KHDRBS2: variants seen among roughly 807,000 people sequenced by gnomAD.
The protein encoded by KHDRBS2 is KH domain-containing, RNA-binding, signal transduction-associated protein 2.
Under a neutral mutation model 44.3 loss-of-function variants are expected in KHDRBS2, and 26 were observed. That is an observed-to-expected ratio of 0.59 (90% CI 0.43 to 0.81). The LOEUF (loss-of-function observed/expected upper bound fraction) is 0.81, where lower values mean the gene tolerates loss of function less well. Among genes scored for constraint, KHDRBS2 ranks in the 40% least tolerant of loss-of-function variants. The probability of loss-of-function intolerance (pLI) is 0.00; values close to 1 mark genes in which losing one functional copy is unlikely to be tolerated. For synonymous variants in KHDRBS2, 194 were observed against 151.1 expected, an observed-to-expected ratio of 1.28 and a Z score of -2.08; for missense variants, 476 against 433.1, an observed-to-expected ratio of 1.10 and a Z score of -0.88.
intron 2 of KHDRBS2, among the ~76,000 whole-genome samples, chr6:62,114,355 C>T (rs551340882): frequency 6.6e-6 from 1 of 152,048 alleles, no homozygotes; most frequent in African/African-American, 2.4e-5. Flanking sequence ...GAGTTGTGAC[C>T]TGAGTAAAAG....
At chr6:61,873,613 T>C (rs1383540609) in intron 6 of KHDRBS2, among the ~76,000 whole-genome samples, 1 of 131,442 alleles carries the variant, frequency 7.6e-6, no homozygotes. Flanking sequence ...AATGCTCATG[T>C]TGTTCATAAA....
chr6:61,663,926 C>A, the KHDRBS2 span, among the ~76,000 whole-genome samples: 1 of 151,510 alleles, frequency 6.6e-6, no homozygotes, highest in African/African-American at 2.4e-5. Context: ...AAAATGTACA[C>A]TCATGTAAAA....
chr6:61,740,059 T>C (rs1241096233), intron 6 of KHDRBS2, among the ~76,000 whole-genome samples: 1 of 151,892 alleles, frequency 6.6e-6, no homozygotes, highest in East Asian at 1.9e-4. Context: ...TCAACAAATG[T>C]ATATGCAATT....
At chr6:61,739,793 A>G (rs1490148148) in intron 6 of KHDRBS2, among the ~76,000 whole-genome samples, 1 of 151,922 alleles carries the variant, frequency 6.6e-6, no homozygotes, top group Non-Finnish European at 1.5e-5. Flanking sequence ...AGAGGTGAAC[A>G]TTAGCACACC....
At chr6:61,942,455 T>C (rs1391473847) in intron 4 of KHDRBS2, among the ~76,000 whole-genome samples, 1 of 151,842 alleles carries the variant, frequency 6.6e-6, no homozygotes, top group Non-Finnish European at 1.5e-5. Flanking sequence ...TTCAAAAACT[T>C]CAATAATACA....
At chr6:61,588,944 C>A in the KHDRBS2 span, among the ~76,000 whole-genome samples, 2 of 152,094 alleles carry the variant, frequency 1.3e-5, no homozygotes, top group Non-Finnish European at 2.9e-5. Flanking sequence ...AAACCATCAT[C>A]CTCAGCAAAC....
At chr6:61,972,573 G>C (rs947381096) in intron 4 of KHDRBS2, among the ~76,000 whole-genome samples, 1 of 152,138 alleles carries the variant, frequency 6.6e-6, no homozygotes, top group African/African-American at 2.4e-5. Context: ...CAGTATGAGG[G>C]AACTCTTGAC....
At chr6:61,966,715 T>C (rs899692852) in intron 4 of KHDRBS2, among the ~76,000 whole-genome samples, 2 of 151,986 alleles carry the variant, frequency 1.3e-5, no homozygotes, top group African/African-American at 2.4e-5. Context: ...TTTATTGTTG[T>C]TATTATTATT....
intron 3 of KHDRBS2, among the ~76,000 whole-genome samples, chr6:61,992,100 A>G (rs1232181455): frequency 6.6e-6 from 1 of 152,238 alleles, no homozygotes; most frequent in African/African-American, 2.4e-5. Context: ...ACTCAAAGTC[A>G]ATAAATGCCA....
chr6:61,758,005 C>T (rs532375844), intron 6 of KHDRBS2, among the ~76,000 whole-genome samples: 2 of 152,232 alleles, frequency 1.3e-5, no homozygotes, highest in East Asian at 3.9e-4. Context: ...TCTGCAGATA[C>T]CTGGAATTCT....
At chr6:62,181,988 T>C (rs1385332776) in intron 1 of KHDRBS2, among the ~76,000 whole-genome samples, 9 of 151,942 alleles carry the variant, frequency 5.9e-5, no homozygotes, top group African/African-American at 1.9e-4. Flanking sequence ...GATAAATAAA[T>C]GAGTAAGTTA....
At chr6:61,699,509 C>G (rs1004879718) in intron 7 of KHDRBS2, among the ~76,000 whole-genome samples, 2 of 151,778 alleles carry the variant, frequency 1.3e-5, no homozygotes, top group Non-Finnish European at 2.9e-5. Flanking sequence ...ATATCAAAAA[C>G]CAAATCATAT....
At chr6:61,820,013 G>A (rs1283213068) in intron 6 of KHDRBS2, among the ~76,000 whole-genome samples, 1 of 152,016 alleles carries the variant, frequency 6.6e-6, no homozygotes, top group Non-Finnish European at 1.5e-5. Flanking sequence ...GCACAGGAAG[G>A]TTCATTAACT....
chr6:61,951,595 A>G (rs1480614817), intron 4 of KHDRBS2, among the ~76,000 whole-genome samples: 1 of 152,026 alleles, frequency 6.6e-6, no homozygotes, highest in Non-Finnish European at 1.5e-5. Flanking sequence ...GTGATTGCTT[A>G]CTCATGCAGT....
chr6:62,016,674 G>A (rs946630218), intron 3 of KHDRBS2, among the ~76,000 whole-genome samples: 1 of 150,448 alleles, frequency 6.6e-6, no homozygotes, highest in African/African-American at 2.4e-5. Flanking sequence ...TAGTCTGATC[G>A]AGAGTGACAT....
chr6:61,874,860 C>T (rs1278083592), intron 6 of KHDRBS2, among the ~76,000 whole-genome samples: 2 of 152,124 alleles, frequency 1.3e-5, no homozygotes, highest in Non-Finnish European at 2.9e-5. Context: ...CAGCTCCTGG[C>T]AGGGATTCCA....
At chr6:61,589,331 C>A in the KHDRBS2 span, among the ~76,000 whole-genome samples, 4 of 152,126 alleles carry the variant, frequency 2.6e-5, no homozygotes, top group South Asian at 2.1e-4. Context: ...CTAGCTTTGA[C>A]CTTTTAGATT....
At chr6:61,724,867 C>G (rs901614489) in intron 7 of KHDRBS2, among the ~76,000 whole-genome samples, 1 of 152,126 alleles carries the variant, frequency 6.6e-6, no homozygotes, top group East Asian at 1.9e-4. Flanking sequence ...TAGTGGGAGA[C>G]TTTAACATTG....
chr6:62,223,901 C>T (rs1446960211), intron 1 of KHDRBS2, among the ~76,000 whole-genome samples: 1 of 152,162 alleles, frequency 6.6e-6, no homozygotes, highest in African/African-American at 2.4e-5. Flanking sequence ...CAACAAGTCT[C>T]TAGGAAGTTC....
Sources: gnomAD v4.1 joint callset for allele counts (sites outside exome capture counted in the v4.1 genomes callset) on GRCh38, gnomAD v4.1.1 for gene constraint, MANE v1.5 for transcripts, NCBI Gene and HGNC (gene_info 2026-07-23, HGNC 2026-07-21) for gene names.